MTFMT: variants seen among roughly 807,000 people sequenced by gnomAD.
MTFMT encodes the protein methionyl-tRNA formyltransferase, mitochondrial.
In MTFMT, 47 loss-of-function variants were observed where a neutral mutation model predicts 51.8. That is an observed-to-expected ratio of 0.91 (90% CI 0.72 to 1.16). The LOEUF (loss-of-function observed/expected upper bound fraction) is 1.16, where lower values mean the gene tolerates loss of function less well. MTFMT is among the 50% of genes most tolerant of loss of function. The pLI is 0.00. For missense variants in MTFMT, 512 were observed against 482.3 expected (o/e 1.06, Z -0.58); for synonymous variants, 196 against 176.7 (o/e 1.11, Z -0.87).
chr15:65,005,527 T>C (rs901910080), intron 7 of MTFMT, among the ~76,000 whole-genome samples: 10 of 151,958 alleles, frequency 6.6e-5, no homozygotes, highest in African/African-American at 2.4e-4. Flanking sequence ...CTGCACTCTC[T>C]GAAAACCTTA....
At chr15:65,025,472 G>A (rs1380376613) in intron 2 of MTFMT, among the ~76,000 whole-genome samples, 1 of 151,960 alleles carries the variant, frequency 6.6e-6, no homozygotes, top group Non-Finnish European at 1.5e-5. Context: ...AGACTGAGAG[G>A]GCCAAGGACA....
intron 6 of MTFMT, among the ~76,000 whole-genome samples, chr15:65,015,264 G>C (rs542152211): frequency 1.4e-4 from 22 of 152,234 alleles, no homozygotes; most frequent in African/African-American, 5.3e-4. Context: ...GTTTCCTGAT[G>C]CCATTCTGTG....
intron 8 of MTFMT, among the ~76,000 whole-genome samples, chr15:65,004,185 T>A (rs944248923): frequency 2.6e-5 from 4 of 151,930 alleles, no homozygotes; most frequent in Admixed American, 2.0e-4. Context: ...CTCGACTAAT[T>A]TTTGTACTGT....
At chr15:65,028,424 C>CA (rs1357930630) in intron 1 of MTFMT, among the ~76,000 whole-genome samples, 3 of 151,842 alleles carry the variant, frequency 2.0e-5, no homozygotes, top group Non-Finnish European at 4.4e-5. Flanking sequence ...CAGAAACAAA[C>CA]AAAAAAAGTG....
chr15:65,009,502 A>C (rs1424413761), intron 6 of MTFMT, among the ~76,000 whole-genome samples: 1 of 152,150 alleles, frequency 6.6e-6, no homozygotes, highest in Non-Finnish European at 1.5e-5. Context: ...TAATTTATCT[A>C]TCTCTAATTT....
chr15:65,025,231 A>T (rs919124834), intron 2 of MTFMT, among the ~76,000 whole-genome samples: 43 of 54,392 alleles, frequency 7.9e-4, no homozygotes, highest in African/African-American at 2.1e-3. Flanking sequence ...CCCTGTCTCT[A>T]AAAAAAAAAA....
rs926445949 is a variant in MTFMT, at chr15:65,002,235, A to T, written c.*827T>A. 5.3e-5 allele frequency: 8 copies of T among 151,308 alleles called. No homozygotes were observed. Among genetic ancestry groups the T allele is most frequent in the African/African-American group, 2.0e-4 (8 of 40,996 alleles). 9.4% of individuals were successfully genotyped at this position (151,308 alleles called of 1,614,324 possible). ...AACACAGTGAAACCCCATCTCTACT[A>T]AAAATACAAAAAAAAAAATTAGCCA... is the stretch of plus-strand genomic sequence containing the variant. On this transcript the variant is annotated 3_prime_UTR_variant, in exon 9 of 9. Coordinates refer to ENST00000220058, the MANE Select transcript of MTFMT (RefSeq NM_139242.4).
chr15:65,026,702 T>C lies in MTFMT; in HGVS notation c.419+129A>G. On this transcript the variant is annotated intron_variant, in intron 2 of 8. Coordinates refer to ENST00000220058, the MANE Select transcript of MTFMT (RefSeq NM_139242.4). The stretch of plus-strand genomic sequence containing the variant: ...CTTTAAGCAAACATGTACAGAAAAA[T>C]AAAATGGTAAAAATAAAAAAAGAAA... 4 of 793,192 alleles carry C rather than the reference T, an allele frequency of 5.0e-6. No individual in the cohort carries two copies. In the South Asian group the frequency reaches 8.2e-5, roughly 16 times the overall value. 49.1% of individuals were successfully genotyped at this position (793,192 alleles called of 1,614,324 possible). A position where few individuals can be genotyped will look rare whatever the true frequency, so the allele number is the denominator to read the frequency against.
intron 6 of MTFMT, among the ~76,000 whole-genome samples, chr15:65,014,885 G>T (rs1329939276): frequency 6.6e-6 from 1 of 150,992 alleles, no homozygotes; most frequent in Non-Finnish European, 1.5e-5. Context: ...ATCTGCCTCA[G>T]CCTCCCAAAG....
chr15:65,008,002 C>T (rs1169716710), intron 6 of MTFMT, among the ~76,000 whole-genome samples: 2 of 152,028 alleles, frequency 1.3e-5, no homozygotes, highest in East Asian at 3.8e-4. Context: ...AAAGGCCTAC[C>T]CCACACTTTA....
At chr15:65,022,310 G>A (rs139606598) in intron 3 of MTFMT, among the ~76,000 whole-genome samples, 2,960 of 152,070 alleles carry the variant, frequency 0.019, 52 homozygotes, top group East Asian at 0.11. Context: ...AAAATTAGCC[G>A]GGCATGGTAG....
Position 65,006,177 on chromosome 15 carries a change from C to A in MTFMT, c.828G>T (p.Thr276=). Residue 276 remains threonine, a synonymous_variant, in exon 7 of 9, where the codon ACG becomes ACT. Coordinates refer to ENST00000220058, the MANE Select transcript of MTFMT (RefSeq NM_139242.4). ...RAIGNIIPLQ[T]LWMANTIKLL... ...GTTTAATGGTATTCGCCATCCAGAG[C>A]GTCTGCAACGGAATCTGCAAGTAAA... 3.1e-6 allele frequency: 5 copies of A among 1,611,554 alleles called. No individual in the cohort carries two copies. The highest frequency in any genetic ancestry group is 4.2e-6 in the Non-Finnish European group (5 of 1,178,576).
At chr15:65,014,491 T>A (rs1035587411) in intron 6 of MTFMT, among the ~76,000 whole-genome samples, 2 of 151,872 alleles carry the variant, frequency 1.3e-5, no homozygotes, top group African/African-American at 4.8e-5. Context: ...GTCTGGCTAA[T>A]TTTTTTGTAT....
intron 3 of MTFMT, among the ~76,000 whole-genome samples, chr15:65,022,557 T>C (rs2086383197): frequency 6.6e-6 from 1 of 152,182 alleles, no homozygotes; most frequent in Non-Finnish European, 1.5e-5. Context: ...ATGAGCAATA[T>C]GCTTTATTTA....
chr15:65,017,091 T>TAAAAAAAAAAAAA (rs68058563), intron 5 of MTFMT, among the ~76,000 whole-genome samples: 1 of 140,330 alleles, frequency 7.1e-6, no homozygotes. Flanking sequence ...CAAAATAAAT[T>TAAAAAAAAAAAAA]AAAAAAAAAA....
At chr15:65,009,785 C>G (rs564219396) in intron 6 of MTFMT, among the ~76,000 whole-genome samples, 1 of 152,182 alleles carries the variant, frequency 6.6e-6, no homozygotes, top group Non-Finnish European at 1.5e-5. Context: ...TCCCGAGTAG[C>G]TGGGACTACA....
intron 7 of MTFMT, among the ~76,000 whole-genome samples, chr15:65,005,209 T>C (rs1036947071): frequency 1.3e-5 from 2 of 152,206 alleles, no homozygotes; most frequent in Non-Finnish European, 2.9e-5. Context: ...AGTTTTGTGT[T>C]AGCGCTTTGG....
rs182680679 is a variant in MTFMT, at chr15:65,004,913, G to C, written c.916C>G (p.Leu306Val). 2.1e-5 allele frequency: 34 copies of C among 1,611,974 alleles called. No homozygotes were observed. The South Asian group carries it at 3.7e-4, about 18-fold the overall frequency. Residue 306 changes from leucine to valine, a missense_variant, in exon 8 of 9, where the codon CTT (leucine) becomes GTT (valine). By Grantham distance (32) the Leu-to-Val change is conservative. Coordinates refer to ENST00000220058, the MANE Select transcript of MTFMT (RefSeq NM_139242.4). ...TGGTATATTACTGATCCTGGAATAA[G>C]AGCCTGTCCCGTTAATTTTGGATCT... Reference protein sequence around the residue: ...LADPKLTGQALIPGSVIYHKQ... With the variant: ...LADPKLTGQAVIPGSVIYHKQ...
intron 4 of MTFMT, among the ~76,000 whole-genome samples, chr15:65,021,182 T>C (rs947196593): frequency 6.6e-6 from 1 of 152,206 alleles, no homozygotes; most frequent in Non-Finnish European, 1.5e-5. Context: ...AAAATTGCTG[T>C]TAGTTCATTC....
Sources: gnomAD v4.1 joint callset for allele counts (sites outside exome capture counted in the v4.1 genomes callset) on GRCh38, gnomAD v4.1.1 for gene constraint, MANE v1.5 for transcripts, NCBI Gene and HGNC (gene_info 2026-07-23, HGNC 2026-07-21) for gene names.